The following MTMR12 variants were observed in gnomAD, a reference collection of about 807,000 sequenced individuals.
The protein encoded by MTMR12 is myotubularin related protein 12, also known as myotubularin-related protein 12.
A neutral mutation model predicts 96.7 loss-of-function variants in MTMR12; 33 were observed. The observed-to-expected ratio is 0.34, with a 90% CI of 0.26 to 0.46. MTMR12 has a LOEUF of 0.46. Ranked by LOEUF, MTMR12 falls within the 20% of genes least tolerant of loss-of-function variation. MTMR12 has a pLI of 1.00. For missense variants in MTMR12, 721 were observed against 896.1 expected (o/e 0.80, Z 2.49); for synonymous variants, 298 against 327.2 (o/e 0.91, Z 0.96).
rs1455737142 is a variant in MTMR12 at position 32,231,282 on chromosome 5, GGGA to G, written c.1675-938_1675-936del. On this transcript the variant is annotated intron_variant, in intron 15 of 15. Transcript: ENST00000382142. ...TGTGGTGGTGGGCACCCGAGGCTGA[GGGA>G]GGAGAATTGCTTGAACCCAGGAGGC... Among the ~76,000 whole-genome samples, 8 of 150,868 alleles carry G rather than the reference GGGA, an allele frequency of 5.3e-5. 1 individual carries two copies. The highest frequency in any genetic ancestry group is 1.0e-4 in the Non-Finnish European group (7 of 67,958).
chr5:32,288,955 G>C (rs1581636269), intron 1 of MTMR12, among the ~76,000 whole-genome samples: 1 of 152,168 alleles, frequency 6.6e-6, no homozygotes, highest in East Asian at 1.9e-4. Context: ...ATTTGTGAGG[G>C]CAGCATCTGC....
chr5:32,260,054 A>C (rs1219836669), intron 7 of MTMR12, among the ~76,000 whole-genome samples: 2 of 147,032 alleles, frequency 1.4e-5, no homozygotes, highest in East Asian at 2.2e-4. Flanking sequence ...AAAAAAAAAA[A>C]AAGCGGTACC....
intron 1 of MTMR12, among the ~76,000 whole-genome samples, chr5:32,310,582 G>A (rs1751540569): frequency 6.6e-6 from 1 of 152,166 alleles, no homozygotes; most frequent in Admixed American, 6.5e-5. Flanking sequence ...TCACTTATTT[G>A]TGGGAGCTAA....
intron 7 of MTMR12, among the ~76,000 whole-genome samples, chr5:32,257,771 A>C (rs546232579): frequency 9.4e-4 from 143 of 151,760 alleles, no homozygotes; most frequent in East Asian, 6.6e-3. Flanking sequence ...CTGTCTCAAA[A>C]AAACAAACAA....
intron 1 of MTMR12, among the ~76,000 whole-genome samples, chr5:32,282,235 A>G (rs1026352230): frequency 6.6e-6 from 1 of 151,922 alleles, no homozygotes; most frequent in African/African-American, 2.4e-5. Context: ...ACAAAAAATT[A>G]GCTGGTGAAA....
Position 32,263,162 on chromosome 5 carries a change from T to C in MTMR12, c.664A>G (p.Met222Val), listed in dbSNP as rs1749438063. 6.2e-7 allele frequency: 1 copy of C among 1,614,118 alleles called. No homozygotes were observed. The highest frequency in any genetic ancestry group is 8.5e-7 in the Non-Finnish European group (1 of 1,180,042). ...CWELERTKGN[M>V]KYKAVSVNEG... ...TTGACACTCACTGCTTTGTACTTCA[T>C]GTTGCCTTTGGTCCGTTCCAGTTCC... The change falls in exon 7 of 16, where the codon ATG becomes GTG. Residue 222 changes from methionine to valine, a missense_variant. Transcript: ENST00000382142.
At chr5:32,232,612 G>A (rs745685794) in intron 15 of MTMR12, among the ~76,000 whole-genome samples, 24 of 152,210 alleles carry the variant, frequency 1.6e-4, no homozygotes, top group Non-Finnish European at 2.8e-4. Flanking sequence ...CAGCTCTCAT[G>A]AGAATGTGCA....
rs1355053692 is a variant in MTMR12, at chr5:32,245,805, GCAA to G, written c.1021+2194_1021+2196del. On this transcript the variant is annotated intron_variant, in intron 10 of 15. Transcript: ENST00000382142. ...ATCACACCACTGCACTCCAGCCTGG[GCAA>G]CAGAGTGAGAATTTGTCTCAGAAAA... is the stretch of plus-strand genomic sequence containing the variant. Among the ~76,000 whole-genome samples, 4 of 152,108 alleles carry G rather than the reference GCAA, an allele frequency of 2.6e-5. No homozygotes were observed. In the East Asian group the frequency reaches 7.7e-4, roughly 29 times the overall value.
At chr5:32,270,375 G>A (rs77235594) in intron 5 of MTMR12, among the ~76,000 whole-genome samples, 4,690 of 152,194 alleles carry the variant, frequency 0.031, 246 homozygotes, top group African/African-American at 0.11. Context: ...TCTGACCTGT[G>A]TACTTCCTCC....
chr5:32,232,064 T>C (rs770680129), intron 15 of MTMR12, among the ~76,000 whole-genome samples: 3 of 152,208 alleles, frequency 2.0e-5, no homozygotes, highest in Non-Finnish European at 4.4e-5. Flanking sequence ...CTCTATCTCC[T>C]AAGCAAAGGG....
intron 1 of MTMR12, among the ~76,000 whole-genome samples, chr5:32,285,331 C>G (rs961672655): frequency 1.4e-5 from 2 of 147,856 alleles, no homozygotes; most frequent in African/African-American, 5.0e-5. Context: ...GCACTTCAGC[C>G]TGGGTGACAG....
chr5:32,265,400 CAT>C (rs1241299012), intron 6 of MTMR12, among the ~76,000 whole-genome samples: 1 of 152,202 alleles, frequency 6.6e-6, no homozygotes, highest in African/African-American at 2.4e-5. Context: ...TGCTAATCCA[CAT>C]ATGTTGGCAG....
In MTMR12 at chr5:32,242,136, GAA is replaced by G; in HGVS notation, c.1101-11_1101-10del. 6.2e-7 allele frequency: 1 copy of G among 1,604,162 alleles called. No homozygotes were observed. The highest frequency in any genetic ancestry group is 1.1e-5 in the South Asian group (1 of 90,486). On this transcript the variant is annotated splice_polypyrimidine_tract_variant and intron_variant, in intron 11 of 15. Coordinates refer to ENST00000382142, the MANE Select transcript of MTMR12 (RefSeq NM_001040446.3). ...CTTTTTTCAGGCAACGTCTGAATAG[GAA>G]AGAGACAAGAAAAAGGGGCATTAGT...
rs780269116 is a variant in MTMR12 at position 32,230,128 on chromosome 5, C to T, written c.1894G>A (p.Glu632Lys). ...DYHGLLLPHI[E>K]GPEIKVWAQR... Reference sequence around the variant, plus strand: ...GCCCAGACTTTGATTTCGGGCCCCTCGATATGCGGTAACAACAAACCATGG... The same window carrying T: ...GCCCAGACTTTGATTTCGGGCCCCTTGATATGCGGTAACAACAAACCATGG... The change falls in exon 16 of 16, where the codon GAG becomes AAG. Residue 632 changes from glutamate to lysine, a missense_variant. Transcript: ENST00000382142. The T allele has an allele frequency of 1.1e-5, 17 of 1,612,798 alleles. No individual in the cohort carries two copies. The highest frequency in any genetic ancestry group is 6.7e-5 in the Admixed American group (4 of 59,872).
intron 1 of MTMR12, among the ~76,000 whole-genome samples, chr5:32,299,076 TACACACACACGC>T (rs1561810824): frequency 6.7e-6 from 1 of 149,328 alleles, no homozygotes; most frequent in African/African-American, 2.5e-5. Flanking sequence ...CACATACACA[TACACACACACGC>T]ACACACACAC....
intron 1 of MTMR12, among the ~76,000 whole-genome samples, chr5:32,281,800 T>G (rs1750304454): frequency 6.6e-6 from 1 of 151,412 alleles, no homozygotes; most frequent in Non-Finnish European, 1.5e-5. Context: ...CTCAGGAGGC[T>G]GAGGCAGGAG....
chr5:32,291,579 T>A (rs1437424255), intron 1 of MTMR12, among the ~76,000 whole-genome samples: 1 of 152,160 alleles, frequency 6.6e-6, no homozygotes, highest in Non-Finnish European at 1.5e-5. Context: ...AGCATTTTAA[T>A]AATCAAGTAG....
intron 12 of MTMR12, among the ~76,000 whole-genome samples, chr5:32,241,145 C>T (rs556677407): frequency 6.6e-6 from 1 of 152,284 alleles, no homozygotes; most frequent in East Asian, 1.9e-4. Context: ...CTTTATCCCT[C>T]CCCCTTTTCA....
At chr5:32,242,940 A>AT (rs1748540425) in intron 11 of MTMR12, among the ~76,000 whole-genome samples, 1 of 152,070 alleles carries the variant, frequency 6.6e-6, no homozygotes, top group Non-Finnish European at 1.5e-5. Context: ...CCCTCCTGAA[A>AT]TGTAGCCTAG....
Sources: allele counts gnomAD v4.1 joint callset (sites outside exome capture counted in the v4.1 genomes callset), GRCh38; gene constraint gnomAD v4.1.1; transcripts MANE v1.5; gene names NCBI Gene and HGNC (gene_info 2026-07-23, HGNC 2026-07-21).